Variants in ITGA9 observed in about 807,000 individuals in gnomAD.
The protein encoded by ITGA9 is integrin alpha-9.
A neutral mutation model predicts 127.8 loss-of-function variants in ITGA9; 56 were observed. The observed-to-expected ratio is 0.44, with a 90% CI of 0.35 to 0.55. ITGA9 has a LOEUF of 0.55. Among genes scored for constraint, ITGA9 ranks in the 20% least tolerant of loss-of-function variants. ITGA9 has a pLI of 0.00. For synonymous variants in ITGA9, 508 were observed against 514.5 expected, an observed-to-expected ratio of 0.99 and a Z score of 0.17; for missense variants, 1,196 against 1,347.1, an observed-to-expected ratio of 0.89 and a Z score of 1.76.
At chr3:37,781,895 G>A (rs529748999) in intron 25 of ITGA9, among the ~76,000 whole-genome samples, 29 of 152,334 alleles carry the variant, frequency 1.9e-4, no homozygotes, top group Non-Finnish European at 3.4e-4. Context: ...CACACCTGAA[G>A]AGAGCTGTGC....
chr3:37,588,276 T>A (rs1233042019), intron 15 of ITGA9, among the ~76,000 whole-genome samples: 1 of 152,074 alleles, frequency 6.6e-6, no homozygotes, highest in Non-Finnish European at 1.5e-5. Flanking sequence ...CCTCTCAGAG[T>A]TTAGTGTAGA....
intron 2 of ITGA9, among the ~76,000 whole-genome samples, chr3:37,472,381 A>T (rs1698441974): frequency 6.6e-6 from 1 of 152,088 alleles, no homozygotes; most frequent in Non-Finnish European, 1.5e-5. Flanking sequence ...AGATTTTCTA[A>T]TTTTTTTGTT....
rs531377571 is a variant in ITGA9, at chr3:37,556,859, A to G, written c.1689+14274A>G. On this transcript the variant is annotated intron_variant, in intron 15 of 27. Transcript: ENST00000264741. Reference sequence around the variant, plus strand: ...TGCTCCTCATCAACAACGTGGGGCCAGGCTTGAGTCAGCAGCACTGACTTT... The same window carrying G: ...TGCTCCTCATCAACAACGTGGGGCCGGGCTTGAGTCAGCAGCACTGACTTT... Among the ~76,000 whole-genome samples, 19 of 152,344 alleles carry G rather than the reference A, an allele frequency of 1.2e-4. No homozygotes were observed. In the South Asian group the frequency reaches 3.3e-3, roughly 27 times the overall value.
At chr3:37,495,674 A>G (rs543055100) in intron 5 of ITGA9, among the ~76,000 whole-genome samples, 110 of 152,290 alleles carry the variant, frequency 7.2e-4, no homozygotes, top group Admixed American at 2.8e-3. Flanking sequence ...TGGTCTTCTT[A>G]TGTCTATTAT....
intron 19 of ITGA9, 97 bp downstream of exon 19, chr3:37,732,895 A>G: frequency 1.1e-6 from 1 of 897,574 alleles, no homozygotes; most frequent in Non-Finnish European, 1.8e-6. Context: ...GAGTCCTCCC[A>G]CCCCCTGCCT....
At chr3:37,514,954 G>A (rs1043850385) in intron 9 of ITGA9, among the ~76,000 whole-genome samples, 2 of 152,132 alleles carry the variant, frequency 1.3e-5, no homozygotes, top group Non-Finnish European at 2.9e-5. Flanking sequence ...AGCTAATGGA[G>A]GGTGGGTGAG....
chr3:37,629,324 C>T lies in ITGA9; in HGVS notation c.1827C>T (p.Ala609=). 1 of 1,613,976 alleles carries T rather than the reference C, an allele frequency of 6.2e-7. No individual in the cohort carries two copies. Among genetic ancestry groups the T allele is most frequent in the South Asian group, 1.1e-5 (1 of 91,038 alleles). The part of the protein sequence containing the change: ...VLRWKKGQKI[A]QKNQTVFERN... ...GCTGGAAAAAGGGACAAAAGATTGCCCAAAAGAATCAGGTCAGAACCTTAA... is the reference window on the plus strand; with the variant it reads ...GCTGGAAAAAGGGACAAAAGATTGCTCAAAAGAATCAGGTCAGAACCTTAA... The change falls in exon 16 of 28, where the codon GCC becomes GCT. Residue 609 remains alanine (A), a synonymous_variant. Transcript: ENST00000264741. This position sits in a 1 kb window ranked among gnomAD's most constrained non-coding sequence, Gnocchi z 4.5.
chr3:37,700,380 G>T (rs972968375), intron 18 of ITGA9, among the ~76,000 whole-genome samples: 4 of 151,884 alleles, frequency 2.6e-5, no homozygotes, highest in Non-Finnish European at 4.4e-5. Context: ...TTGAGACAAG[G>T]TCTCACTCTG....
chr3:37,571,952 G>A (rs139427109), intron 15 of ITGA9, among the ~76,000 whole-genome samples: 98 of 152,058 alleles, frequency 6.4e-4, no homozygotes, highest in Non-Finnish European at 9.9e-4. Flanking sequence ...TTAAAGAAAG[G>A]AGGGAACTGA....
At chr3:37,769,065 G>A (rs1424245220) in intron 23 of ITGA9, among the ~76,000 whole-genome samples, 3 of 151,976 alleles carry the variant, frequency 2.0e-5, no homozygotes, top group South Asian at 2.1e-4. Flanking sequence ...TAGGCCAGGC[G>A]TGGTGGCTCA....
At chr3:37,611,497 T>C (rs963970153) in intron 15 of ITGA9, among the ~76,000 whole-genome samples, 2 of 152,148 alleles carry the variant, frequency 1.3e-5, no homozygotes, top group African/African-American at 4.8e-5. Flanking sequence ...GAACAGATTA[T>C]AAGAAAGAAT....
intron 15 of ITGA9, among the ~76,000 whole-genome samples, chr3:37,564,708 G>A (rs1021635242): frequency 6.6e-6 from 1 of 152,196 alleles, no homozygotes; most frequent in Non-Finnish European, 1.5e-5. Flanking sequence ...ACAGGCACCT[G>A]TTGAATGCCT....
intron 22 of ITGA9, among the ~76,000 whole-genome samples, chr3:37,746,482 A>C (rs561011075): frequency 1.3e-5 from 2 of 152,372 alleles, no homozygotes; most frequent in South Asian, 4.1e-4. Context: ...ATTACACATG[A>C]ACATTTGCAG....
At chr3:37,510,176 A>AT (rs5848026) in intron 8 of ITGA9, among the ~76,000 whole-genome samples, 8,256 of 150,440 alleles carry the variant, frequency 0.055, 275 homozygotes, top group East Asian at 0.095. Context: ...AAATTTTTGT[A>AT]TTTTTTTTTG....
At chr3:37,507,320 G>A (rs180865279) in intron 7 of ITGA9, among the ~76,000 whole-genome samples, 116 of 152,224 alleles carry the variant, frequency 7.6e-4, no homozygotes, top group Admixed American at 2.1e-3. Context: ...GCGGGCTACC[G>A]GGCATCTCTG....
chr3:37,780,064 T>C, intron 25 of ITGA9, 43 bp downstream of exon 25: 1 of 1,610,610 alleles, frequency 6.2e-7, no homozygotes, highest in South Asian at 1.1e-5. Context: ...TTTAGAAGCA[T>C]TTGAATTGTT....
chr3:37,796,421 C>T (rs562778425), intron 26 of ITGA9, among the ~76,000 whole-genome samples: 11 of 152,216 alleles, frequency 7.2e-5, no homozygotes, highest in African/African-American at 2.7e-4. Context: ...TGAATTTCCA[C>T]AATGTCTAGC....
intron 6 of ITGA9, among the ~76,000 whole-genome samples, chr3:37,503,817 G>T (rs1164107833): frequency 2.6e-5 from 4 of 152,226 alleles, no homozygotes; most frequent in Non-Finnish European, 5.9e-5. Flanking sequence ...CTGGAAAGAA[G>T]ATAGACACAA....
intron 8 of ITGA9, among the ~76,000 whole-genome samples, chr3:37,512,946 A>G (rs1698947696): frequency 6.6e-6 from 1 of 152,222 alleles, no homozygotes; most frequent in African/African-American, 2.4e-5. Flanking sequence ...GCTATAATTA[A>G]AAGTCAATAT....
Sources: allele counts gnomAD v4.1 joint callset (sites outside exome capture counted in the v4.1 genomes callset), GRCh38; gene constraint gnomAD v4.1.1; non-coding constraint Gnocchi (gnomAD v3.1); transcripts MANE v1.5; gene names NCBI Gene and HGNC (gene_info 2026-07-23, HGNC 2026-07-21).